The following RGPD6 variants were observed in gnomAD, a reference collection of about 807,000 sequenced individuals.
The protein encoded by RGPD6 is RANBP2 like and GRIP domain containing 6.
the RGPD6 span, among the ~76,000 whole-genome samples, chr2:110,610,466 T>A: frequency 6.6e-6 from 1 of 150,692 alleles, no homozygotes; most frequent in African/African-American, 2.4e-5. Context: ...GCTACCTAGA[T>A]CACCAGTCCC....
At chr2:110,608,160 T>G in the RGPD6 span, among the ~76,000 whole-genome samples, 41 of 144,648 alleles carry the variant, frequency 2.8e-4, no homozygotes, top group Admixed American at 6.9e-4. Flanking sequence ...TTTCCTATCT[T>G]TAAAATGGAA....
the RGPD6 span, among the ~76,000 whole-genome samples, chr2:110,589,350 C>CA: frequency 6.7e-6 from 1 of 148,944 alleles, no homozygotes; most frequent in Non-Finnish European, 1.5e-5. Context: ...AACTCCGTCT[C>CA]AAAAAAAGGA....
the RGPD6 span, among the ~76,000 whole-genome samples, chr2:110,606,080 G>A: frequency 1.3e-5 from 2 of 151,666 alleles, no homozygotes; most frequent in African/African-American, 4.9e-5. Context: ...GCCTATGAAT[G>A]GGAAATTCTA....
chr2:110,599,944 G>T, the RGPD6 span, among the ~76,000 whole-genome samples: 6 of 143,712 alleles, frequency 4.2e-5, no homozygotes, highest in Non-Finnish European at 1.5e-5. Flanking sequence ...CATGTTCTGG[G>T]GAAGGAACTA....
the RGPD6 span, among the ~76,000 whole-genome samples, chr2:110,608,305 A>G: frequency 2.7e-5 from 4 of 146,256 alleles, no homozygotes; most frequent in African/African-American, 7.7e-5. Context: ...TGACCTCAGT[A>G]AAGTCATTTA....
At chr2:110,610,969 C>G in the RGPD6 span, 1 of 912,596 alleles carries the variant, frequency 1.1e-6, no homozygotes, top group Admixed American at 6.5e-5. Flanking sequence ...GCTGCAGCGG[C>G]CGGCGCACTC....
chr2:110,606,965 A>G, the RGPD6 span, among the ~76,000 whole-genome samples: 10 of 151,854 alleles, frequency 6.6e-5, 1 homozygote, highest in East Asian at 3.9e-4. Flanking sequence ...TACAACCTAC[A>G]CCTTACTCAT....
chr2:110,606,025 T>C, the RGPD6 span, among the ~76,000 whole-genome samples: 2 of 151,790 alleles, frequency 1.3e-5, no homozygotes, highest in East Asian at 3.9e-4. Context: ...AAACACACTG[T>C]CCTTTGACCC....
At chr2:110,606,129 T>C in the RGPD6 span, among the ~76,000 whole-genome samples, 2 of 151,760 alleles carry the variant, frequency 1.3e-5, no homozygotes, top group Non-Finnish European at 2.9e-5. Flanking sequence ...ATAGGAAATA[T>C]CGAAGTGTAT....
the RGPD6 span, among the ~76,000 whole-genome samples, chr2:110,601,400 C>G: frequency 6.7e-6 from 1 of 149,532 alleles, no homozygotes; most frequent in African/African-American, 2.5e-5. Context: ...ACCTCTGAGT[C>G]TGACAGTCTT....
At chr2:110,589,502 G>A in the RGPD6 span, among the ~76,000 whole-genome samples, 4 of 152,118 alleles carry the variant, frequency 2.6e-5, no homozygotes, top group Non-Finnish European at 5.9e-5. Flanking sequence ...GCCTTGCTAC[G>A]AGAAAGTCTA....
At chr2:110,606,952 A>G in the RGPD6 span, among the ~76,000 whole-genome samples, 1 of 151,786 alleles carries the variant, frequency 6.6e-6, no homozygotes, top group African/African-American at 2.4e-5. Context: ...TAACACTAAT[A>G]TGTACAACCT....
the RGPD6 span, among the ~76,000 whole-genome samples, chr2:110,606,135 T>G: frequency 1.3e-5 from 2 of 151,596 alleles, no homozygotes; most frequent in Admixed American, 1.3e-4. Flanking sequence ...AATATCGAAG[T>G]GTATCACACA....
chr2:110,591,249 T>C, the RGPD6 span, among the ~76,000 whole-genome samples: 1 of 136,852 alleles, frequency 7.3e-6, no homozygotes, highest in Non-Finnish European at 1.5e-5. Context: ...ATATTGCATA[T>C]AAATTACTTT....
the RGPD6 span, chr2:110,610,931 C>A: frequency 2.3e-6 from 2 of 862,830 alleles, no homozygotes; most frequent in Non-Finnish European, 2.8e-6. Context: ...CGACGCCCCC[C>A]GCCCCCGACT....
At chr2:110,600,173 A>G in the RGPD6 span, among the ~76,000 whole-genome samples, 1 of 119,862 alleles carries the variant, frequency 8.3e-6, no homozygotes, top group South Asian at 3.2e-4. Flanking sequence ...CATCCTAGAC[A>G]GTCACACAGC....
the RGPD6 span, among the ~76,000 whole-genome samples, chr2:110,601,729 GT>G: frequency 1.6e-5 from 2 of 127,706 alleles, no homozygotes; most frequent in Non-Finnish European, 3.2e-5. Flanking sequence ...TATTAAGGCA[GT>G]ATCACGGCTA....
At chr2:110,610,804 CGCT>C in the RGPD6 span, 23 of 1,110,408 alleles carry the variant, frequency 2.1e-5, no homozygotes, top group Admixed American at 8.5e-5. Context: ...CCGCTGCCGC[CGCT>C]GCCGCCGCCG....
At chr2:110,605,662 C>T in the RGPD6 span, among the ~76,000 whole-genome samples, 2 of 151,432 alleles carry the variant, frequency 1.3e-5, no homozygotes, top group Non-Finnish European at 1.5e-5. Context: ...GCGCATGTCC[C>T]CTGGCAGTTG....
Sources: allele counts gnomAD v4.1 joint callset (sites outside exome capture counted in the v4.1 genomes callset), GRCh38; gene constraint gnomAD v4.1.1; transcripts MANE v1.5; gene names NCBI Gene and HGNC (gene_info 2026-07-23, HGNC 2026-07-21).